Variants in ADAMTS19 observed in about 807,000 individuals in gnomAD.
The protein encoded by ADAMTS19 is ADAM metallopeptidase with thrombospondin type 1 motif 19.
In ADAMTS19, 93 loss-of-function variants were observed where a neutral mutation model predicts 153.3. The observed-to-expected ratio is 0.61, with a 90% CI of 0.51 to 0.72. ADAMTS19 has a LOEUF of 0.72. Ranked by LOEUF, ADAMTS19 falls within the 30% of genes least tolerant of loss-of-function variation. The pLI, the probability that ADAMTS19 is intolerant of heterozygous loss-of-function variation, is 0.00. For missense variants in ADAMTS19, 1,482 were observed against 1,552.1 expected (o/e 0.95, Z 0.76); for synonymous variants, 600 against 556.6 (o/e 1.08, Z -1.10).
chr5:129,694,793 C>A lies in ADAMTS19; in HGVS notation c.2892C>A (p.Cys964Ter). ...KNISIVDNEKCKYLTKPEPQI... is the reference protein window; with the variant it reads ...KNISIVDNEK ...TCAGCATTGTGGACAATGAGAAATG[C>A]AAATACTTAACCAAGCCAGAGCCAC... Residue 964 changes from cysteine to a stop codon, truncating the protein, a stop_gained, in exon 19 of 23, where the codon TGC becomes TGA. Transcript: ENST00000274487. LOFTEE classifies it high-confidence loss of function. 1.2e-6 allele frequency: 2 copies of A among 1,608,760 alleles called. No homozygotes were observed. The highest frequency in any genetic ancestry group is 1.7e-6 in the Non-Finnish European group (2 of 1,177,312).
intron 11 of ADAMTS19, among the ~76,000 whole-genome samples, chr5:129,646,570 C>T (rs1753074798): frequency 6.6e-6 from 1 of 151,944 alleles, no homozygotes; most frequent in African/African-American, 2.4e-5. Context: ...ATACTTATAA[C>T]TCTATTATTA....
chr5:129,725,799 T>G (rs1757184868), intron 21 of ADAMTS19, among the ~76,000 whole-genome samples: 1 of 152,056 alleles, frequency 6.6e-6, no homozygotes, highest in African/African-American at 2.4e-5. Context: ...CAGGTTTACT[T>G]CTAGAATGCT....
chr5:129,658,343 A>AGAGAGAGAG (rs1561632359), intron 14 of ADAMTS19, among the ~76,000 whole-genome samples: 9 of 112,214 alleles, frequency 8.0e-5, no homozygotes, highest in South Asian at 2.9e-4. Flanking sequence ...GAAAGAAAGA[A>AGAGAGAGAG]AGAAAGAAAG....
intron 21 of ADAMTS19, among the ~76,000 whole-genome samples, chr5:129,713,903 G>A (rs182758039): frequency 6.9e-4 from 105 of 152,254 alleles, no homozygotes; most frequent in Admixed American, 2.2e-3. Context: ...GATTGGTGTT[G>A]ATCTTGTTTG....
intron 7 of ADAMTS19, among the ~76,000 whole-genome samples, chr5:129,591,924 T>C (rs1442612444): frequency 6.6e-6 from 1 of 152,158 alleles, no homozygotes; most frequent in Non-Finnish European, 1.5e-5. Context: ...TGGAGGGTTT[T>C]AGGAGTCTGT....
At chr5:129,491,950 T>G (rs910578552) in intron 2 of ADAMTS19, among the ~76,000 whole-genome samples, 2 of 152,212 alleles carry the variant, frequency 1.3e-5, no homozygotes, top group African/African-American at 4.8e-5. Flanking sequence ...CACATCAAAT[T>G]GATAATAATG....
chr5:129,638,102 A>G (rs1752614046), intron 10 of ADAMTS19, among the ~76,000 whole-genome samples: 1 of 152,122 alleles, frequency 6.6e-6, no homozygotes, highest in Non-Finnish European at 1.5e-5. Flanking sequence ...CTTCATATGT[A>G]CCACTAATCC....
chr5:129,502,456 A>G, intron 2 of ADAMTS19, among the ~76,000 whole-genome samples: 1 of 152,222 alleles, frequency 6.6e-6, no homozygotes, highest in Non-Finnish European at 1.5e-5. Context: ...CAAGCCACGC[A>G]ATATTTCTAA....
intron 21 of ADAMTS19, among the ~76,000 whole-genome samples, chr5:129,720,174 A>ATATATATATATATATATATATAT (rs1463139553): frequency 3.5e-5 from 4 of 113,330 alleles, no homozygotes; most frequent in African/African-American, 1.9e-4. Flanking sequence ...ATATATATTT[A>ATATATATATATATATATATATAT]TTTTTTTTTT....
intron 20 of ADAMTS19, among the ~76,000 whole-genome samples, chr5:129,703,254 A>G (rs1231096679): frequency 1.3e-5 from 2 of 151,632 alleles, no homozygotes; most frequent in Non-Finnish European, 2.9e-5. Flanking sequence ...TGGAGGATAA[A>G]TGTAAATGAG....
chr5:129,593,454 C>G (rs1750237970), intron 7 of ADAMTS19, among the ~76,000 whole-genome samples: 1 of 152,180 alleles, frequency 6.6e-6, no homozygotes. Context: ...TCTCTGAAAT[C>G]TTAAATACCT....
chr5:129,665,660 T>A (rs1023315448), intron 16 of ADAMTS19, 81 bp downstream of exon 16: 22 of 1,074,476 alleles, frequency 2.0e-5, no homozygotes, highest in Non-Finnish European at 3.0e-5. Flanking sequence ...GAGGAGGAAG[T>A]CAATCTGTTT....
chr5:129,712,138 G>A (rs1020170909), intron 21 of ADAMTS19, among the ~76,000 whole-genome samples: 2 of 152,068 alleles, frequency 1.3e-5, no homozygotes, highest in Non-Finnish European at 2.9e-5. Context: ...ATATACTGAT[G>A]TTTGGAGAAG....
At chr5:129,487,443 A>G (rs1327284509) in intron 2 of ADAMTS19, among the ~76,000 whole-genome samples, 2 of 152,070 alleles carry the variant, frequency 1.3e-5, no homozygotes, top group Non-Finnish European at 2.9e-5. Flanking sequence ...TATTCACTCA[A>G]TGGCTTTTGA....
chr5:129,680,149 A>G (rs1319398847), intron 17 of ADAMTS19, among the ~76,000 whole-genome samples: 1 of 152,220 alleles, frequency 6.6e-6, no homozygotes, highest in Non-Finnish European at 1.5e-5. Flanking sequence ...TTACAGATGC[A>G]AAGTACAGAT....
chr5:129,668,852 A>G (rs982750260), intron 16 of ADAMTS19, among the ~76,000 whole-genome samples: 1 of 152,172 alleles, frequency 6.6e-6, no homozygotes, highest in Non-Finnish European at 1.5e-5. Flanking sequence ...TTACATTTCA[A>G]TGAAATCTTT....
At chr5:129,659,688 C>A (rs1393739548) in intron 15 of ADAMTS19, among the ~76,000 whole-genome samples, 1 of 151,974 alleles carries the variant, frequency 6.6e-6, no homozygotes, top group Non-Finnish European at 1.5e-5. Flanking sequence ...TCAAACAATC[C>A]CCCCAACTCA....
At chr5:129,667,086 A>C (rs1754086311) in intron 16 of ADAMTS19, among the ~76,000 whole-genome samples, 1 of 152,138 alleles carries the variant, frequency 6.6e-6, no homozygotes, top group South Asian at 2.1e-4. Context: ...GCCTTTTATA[A>C]GGTCAGCAAA....
intron 3 of ADAMTS19, among the ~76,000 whole-genome samples, chr5:129,514,298 T>A (rs370864672): frequency 2.6e-5 from 4 of 152,158 alleles, no homozygotes; most frequent in Non-Finnish European, 2.9e-5. Context: ...CTTTTGGGTA[T>A]AAACCCAGCA....
Sources: allele counts gnomAD v4.1 joint callset (sites outside exome capture counted in the v4.1 genomes callset), GRCh38; gene constraint gnomAD v4.1.1; transcripts MANE v1.5; gene names NCBI Gene and HGNC (gene_info 2026-07-23, HGNC 2026-07-21).